CDC14B: variants seen among roughly 807,000 people sequenced by gnomAD.
CDC14B encodes cell division cycle 14B, also known as dual specificity protein phosphatase CDC14B.
In CDC14B, 22 loss-of-function variants were observed where a neutral mutation model predicts 64.2. The observed-to-expected ratio is 0.34, with a 90% CI of 0.24 to 0.49. CDC14B has a LOEUF of 0.49. Among genes scored for constraint, CDC14B ranks in the 20% least tolerant of loss-of-function variants. CDC14B has a pLI of 0.99. For missense variants in CDC14B, 498 were observed against 629.9 expected (o/e 0.79, Z 2.24); for synonymous variants, 191 against 215.8 (o/e 0.89, Z 1.01).
At chr9:96,577,676 C>T (rs1360052887) in intron 1 of CDC14B, among the ~76,000 whole-genome samples, 1 of 152,140 alleles carries the variant, frequency 6.6e-6, no homozygotes, top group African/African-American at 2.4e-5. Flanking sequence ...TATCCTGCAG[C>T]ATTTAAGATT....
At chr9:96,619,124 C>A (rs780030722) in intron 1 of CDC14B, 95 bp downstream of exon 1, 230 of 1,044,226 alleles carry the variant, frequency 2.2e-4, no homozygotes, top group Admixed American at 9.5e-4. Flanking sequence ...TCGGCCCGGC[C>A]CCGGAGGCCC....
chr9:96,555,929 C>A (rs762497016), intron 4 of CDC14B, among the ~76,000 whole-genome samples: 8 of 139,138 alleles, frequency 5.7e-5, no homozygotes, highest in Non-Finnish European at 1.3e-4. Context: ...GTTTCAAAAC[C>A]TCGGAGGTAT....
intron 1 of CDC14B, among the ~76,000 whole-genome samples, chr9:96,575,024 T>C (rs1844719773): frequency 1.3e-5 from 2 of 152,248 alleles, no homozygotes; most frequent in Admixed American, 1.3e-4. Context: ...TTGAGTTTAT[T>C]CGTCAGAATA....
intron 1 of CDC14B, among the ~76,000 whole-genome samples, chr9:96,573,762 A>G (rs1310642753): frequency 6.6e-6 from 1 of 152,212 alleles, no homozygotes; most frequent in Non-Finnish European, 1.5e-5. Context: ...TTTACATGTT[A>G]CATGTAATAA....
downstream of CDC14B, among the ~76,000 whole-genome samples, chr9:96,497,680 ATTTT>A (rs1032502268): frequency 6.6e-6 from 1 of 151,946 alleles, no homozygotes. Flanking sequence ...CATTAATTTT[ATTTT>A]TTTTACTAGG....
chr9:96,565,245 G>C (rs1346295780), intron 2 of CDC14B, 148 bp downstream of exon 2: 1 of 540,176 alleles, frequency 1.9e-6, no homozygotes, highest in Non-Finnish European at 3.2e-6. Context: ...TTGCTCTAAA[G>C]GTTTATTTTA....
intron 13 of CDC14B, among the ~76,000 whole-genome samples, chr9:96,504,437 A>G (rs1471280310): frequency 6.6e-6 from 1 of 152,184 alleles, no homozygotes; most frequent in African/African-American, 2.4e-5. Flanking sequence ...AACCACTTCC[A>G]ATCTGGAGGG....
intron 3 of CDC14B, among the ~76,000 whole-genome samples, chr9:96,563,449 G>C (rs1373306435): frequency 6.6e-6 from 1 of 152,024 alleles, no homozygotes; most frequent in Non-Finnish European, 1.5e-5. Context: ...TCAGGAGTTC[G>C]AGACCAGCCT....
chr9:96,504,832 G>A (rs1184045376), intron 13 of CDC14B, among the ~76,000 whole-genome samples: 1 of 152,104 alleles, frequency 6.6e-6, no homozygotes, highest in Non-Finnish European at 1.5e-5. Flanking sequence ...GGTCCTAGAT[G>A]CAGCTGCTCC....
At chr9:96,496,459 C>A, downstream of CDC14B, 1 of 423,794 alleles carries the variant, frequency 2.4e-6, no homozygotes. Flanking sequence ...CAAGGACTAG[C>A]TTCCTGGGCC....
At chr9:96,512,299 C>T (rs899288376) in intron 12 of CDC14B, among the ~76,000 whole-genome samples, 1 of 147,448 alleles carries the variant, frequency 6.8e-6, no homozygotes, top group African/African-American at 2.5e-5. Flanking sequence ...CTTCTAAAAA[C>T]AAGGAATTGT....
chr9:96,569,788 C>A lies in CDC14B; in HGVS notation c.161-4305G>T, dbSNP rs550423429. Among the ~76,000 whole-genome samples the A allele has an allele frequency of 7.9e-5, 12 of 152,268 alleles. No individual in the cohort carries two copies. In the East Asian group the frequency reaches 2.3e-3, roughly 29 times the overall value. ...TACAGTCACATGCCGCCACTCCCAG[C>A]TAATTTTTAGTAAAGATGTCAAACT... On this transcript the variant is annotated intron_variant, in intron 1 of 13. Coordinates refer to ENST00000375241, the MANE Select transcript of CDC14B (RefSeq NM_033331.4).
At chr9:96,546,997 G>T (rs1443412053) in intron 5 of CDC14B, among the ~76,000 whole-genome samples, 1 of 151,988 alleles carries the variant, frequency 6.6e-6, no homozygotes, top group Non-Finnish European at 1.5e-5. Context: ...AGGAGGCGGA[G>T]CTTGCCGTGA....
intron 1 of CDC14B, among the ~76,000 whole-genome samples, chr9:96,613,937 G>A (rs1847471105): frequency 1.3e-5 from 2 of 152,224 alleles, no homozygotes; most frequent in South Asian, 4.2e-4. Flanking sequence ...TCTAATGTCT[G>A]CTGTGAATTT....
chr9:96,608,894 C>CACACAG (rs1327203028), intron 1 of CDC14B, among the ~76,000 whole-genome samples: 2 of 2,090 alleles, frequency 9.6e-4, no homozygotes, highest in African/African-American at 3.5e-3. Context: ...AAAACACAGA[C>CACACAG]ACACACACAC....
intron 1 of CDC14B, among the ~76,000 whole-genome samples, chr9:96,587,083 C>T (rs976060692): frequency 6.6e-6 from 1 of 151,950 alleles, no homozygotes; most frequent in African/African-American, 2.4e-5. Flanking sequence ...TGAGGCAGGA[C>T]AATCGCTTGA....
At chr9:96,496,241 T>C (rs1319960989), downstream of CDC14B, 1 of 480,994 alleles carries the variant, frequency 2.1e-6, no homozygotes, top group South Asian at 1.5e-5. Context: ...TGGAGAGAAC[T>C]TGCAGTGGGC....
intron 13 of CDC14B, 143 bp from the exon 14 acceptor site, chr9:96,503,932 T>C: frequency 1.6e-6 from 1 of 639,348 alleles, no homozygotes; most frequent in Admixed American, 3.0e-5. Context: ...TGACAAATAC[T>C]TTGGAGAAGA....
chr9:96,495,979 C>CTT (rs1833221272), downstream of CDC14B, among the ~76,000 whole-genome samples: 2 of 152,188 alleles, frequency 1.3e-5, no homozygotes, highest in South Asian at 4.1e-4. Context: ...TTGGTGCGAA[C>CTT]TTTTCTGGGG....
Sources: gnomAD v4.1 joint callset for allele counts (sites outside exome capture counted in the v4.1 genomes callset) on GRCh38, gnomAD v4.1.1 for gene constraint, MANE v1.5 for transcripts, NCBI Gene and HGNC (gene_info 2026-07-23, HGNC 2026-07-21) for gene names.